BSPRY: variants seen among roughly 807,000 people sequenced by gnomAD.
BSPRY encodes B-box and SPRY domain containing.
BSPRY carries 33 observed loss-of-function variants against 38.0 expected under a neutral mutation model. The ratio of observed to expected loss-of-function variants is 0.87; its 90% CI spans 0.66 to 1.16. The LOEUF is 1.16. Ranked by LOEUF, BSPRY falls within the 50% of genes most tolerant of loss-of-function variation. BSPRY has a pLI of 0.00. For missense variants in BSPRY, 523 were observed against 533.2 expected, an observed-to-expected ratio of 0.98 and a Z score of 0.19; for synonymous variants, 224 against 228.5, an observed-to-expected ratio of 0.98 and a Z score of 0.18.
rs1347575787 is a variant in BSPRY, at chr9:113,349,567, C to A, written c.-13C>A. Reference sequence around the variant, plus strand: ...CCTGCGACAGGTGGAGCGCACGGGGCGGGCGCACGGCCATGTCCGCCGAGG... The same window carrying A: ...CCTGCGACAGGTGGAGCGCACGGGGAGGGCGCACGGCCATGTCCGCCGAGG... On this transcript the variant is annotated 5_prime_UTR_variant, in exon 1 of 6. Coordinates refer to ENST00000374183, the MANE Select transcript of BSPRY (RefSeq NM_017688.3). The A allele has an allele frequency of 4.4e-6, 5 of 1,143,538 alleles. No homozygotes were observed. The highest frequency in any genetic ancestry group is 5.4e-6 in the Non-Finnish European group (5 of 932,296). The allele number at this position is 1,143,538 out of a possible 1,614,324, so 70.8% of individuals were successfully genotyped here.
chr9:113,362,096 G>C (rs1834162997), intron 3 of BSPRY, among the ~76,000 whole-genome samples: 1 of 152,078 alleles, frequency 6.6e-6, no homozygotes, highest in African/African-American at 2.4e-5. Context: ...AACAGGCGAT[G>C]GTCCTGAGTG....
chr9:113,350,961 C>G (rs1406936070), intron 1 of BSPRY, among the ~76,000 whole-genome samples: 2 of 152,228 alleles, frequency 1.3e-5, no homozygotes, highest in African/African-American at 4.8e-5. Context: ...AGATGAGGCA[C>G]TGGAGGCTCG....
intron 1 of BSPRY, among the ~76,000 whole-genome samples, chr9:113,353,469 A>G (rs1377687236): frequency 6.6e-6 from 1 of 152,186 alleles, no homozygotes; most frequent in Admixed American, 6.5e-5. Context: ...TTGAGAGGTC[A>G]GGGCGGGCAG....
chr9:113,368,834 G>A lies in BSPRY; in HGVS notation c.682+451G>A, dbSNP rs78642222. On this transcript the variant is annotated intron_variant, in intron 5 of 5. Coordinates refer to ENST00000374183, the MANE Select transcript of BSPRY (RefSeq NM_017688.3). ...GCCCCACCCTGTGCCACATGCTGGGGCCACAGAGGTAAACTGACATGGTCT... is the reference window on the plus strand; with the variant it reads ...GCCCCACCCTGTGCCACATGCTGGGACCACAGAGGTAAACTGACATGGTCT... Among the ~76,000 whole-genome samples the A allele has an allele frequency of 1.2e-3, 184 of 152,276 alleles. 1 individual carries two copies. Among genetic ancestry groups the A allele is most frequent in the African/African-American group, 4.2e-3 (176 of 41,554 alleles).
chr9:113,356,954 A>G (rs1834070102), intron 2 of BSPRY, among the ~76,000 whole-genome samples: 3 of 152,192 alleles, frequency 2.0e-5, no homozygotes, highest in African/African-American at 2.4e-5. Context: ...GTAGCTGCAT[A>G]TATGAGTTGG....
At chr9:113,360,457 G>A (rs367988081) in intron 2 of BSPRY, 50 bp from the exon 3 acceptor site, 10 of 1,534,690 alleles carry the variant, frequency 6.5e-6, no homozygotes, top group African/African-American at 4.1e-5. Flanking sequence ...CTTAAATCCT[G>A]ACCGGGGCTT....
chr9:113,361,605 C>T (rs117833656), intron 3 of BSPRY, among the ~76,000 whole-genome samples: 2,196 of 152,142 alleles, frequency 0.014, 35 homozygotes, highest in South Asian at 0.084. Context: ...CCGGATGAAG[C>T]GACTTAGAAG....
rs1242093310 is a variant in BSPRY, at chr9:113,369,988, C to T, written c.1055C>T (p.Ala352Val). Residue 352 changes from alanine (A) to valine (V), a missense_variant, in exon 6 of 6, where the codon GCC (alanine) becomes GTC (valine). Coordinates refer to ENST00000374183, the MANE Select transcript of BSPRY (RefSeq NM_017688.3). ...HEPLGLLRGP[A>V]QLGVVLDLQV... The stretch of plus-strand genomic sequence containing the variant: ...CCCCTGGGGCTGCTGCGGGGCCCAG[C>T]CCAGCTGGGTGTAGTGCTGGACTTG... 2 of 1,614,114 alleles carry T rather than the reference C, an allele frequency of 1.2e-6. No homozygotes were observed. The highest frequency in any genetic ancestry group is 1.7e-5 in the Admixed American group (1 of 60,026).
chr9:113,364,762 A>G (rs1834219152), intron 4 of BSPRY, among the ~76,000 whole-genome samples: 1 of 152,148 alleles, frequency 6.6e-6, no homozygotes, highest in African/African-American at 2.4e-5. Flanking sequence ...TGTTTCTCCT[A>G]GAAACAAAGA....
Position 113,370,199 on chromosome 9 carries a change from A to G in BSPRY, c.*57A>G. On this transcript the variant is annotated 3_prime_UTR_variant, in exon 6 of 6. Coordinates refer to ENST00000374183, the MANE Select transcript of BSPRY (RefSeq NM_017688.3). This position sits in a 1 kb window ranked among gnomAD's most constrained non-coding sequence, Gnocchi z 4.8. ...CACCACCCTTTCAGGCCATGTTTCT[A>G]CTCAGTGTGCTTTTCCCAAATGATG... 6.7e-7 allele frequency: 1 copy of G among 1,501,284 alleles called. No individual in the cohort carries two copies. The highest frequency in any genetic ancestry group is 1.3e-5 in the South Asian group (1 of 74,666). The allele number at this position is 1,501,284 out of a possible 1,614,324, so 93.0% of individuals were successfully genotyped here. A position where few individuals can be genotyped will look rare whatever the true frequency, so the allele number is the denominator to read the frequency against.
Position 113,349,731 on chromosome 9 carries a change from G to T in BSPRY, c.152G>T (p.Cys51Phe), listed in dbSNP as rs1434271397. 8.1e-7 allele frequency: 1 copy of T among 1,239,648 alleles called. No homozygotes were observed. Among genetic ancestry groups the T allele is most frequent in the South Asian group, 3.4e-5 (1 of 29,216 alleles). The allele number at this position is 1,239,648 out of a possible 1,614,324, so 76.8% of individuals were successfully genotyped here. A position where few individuals can be genotyped will look rare whatever the true frequency, so the allele number is the denominator to read the frequency against. The stretch of plus-strand genomic sequence containing the variant: ...GCCTGCGCGGGGTTGGGCGGTCGCT[G>T]CCGGGGGCACCGCATCCGCCGGGCG... ...CAACAGLGGR[C>F]RGHRIRRAEE... Residue 51 changes from cysteine to phenylalanine, a missense_variant, in exon 1 of 6, where the codon TGC becomes TTC. By Grantham distance (205) the Cys-to-Phe change is radical (BLOSUM62 -2). Transcript: ENST00000374183.
chr9:113,360,738 G>A lies in BSPRY; in HGVS notation c.531+1G>A. The A allele has an allele frequency of 6.3e-7, 1 of 1,577,408 alleles. No homozygotes were observed. Among genetic ancestry groups the A allele is most frequent in the Non-Finnish European group, 8.6e-7 (1 of 1,162,150 alleles). On this transcript the variant is annotated splice_donor_variant, in intron 3 of 5. Coordinates refer to ENST00000374183, the MANE Select transcript of BSPRY (RefSeq NM_017688.3). LOFTEE classifies it high-confidence loss of function. The stretch of plus-strand genomic sequence containing the variant: ...TCACCTGGATGACCTCCAGCTGATT[G>A]TAAGTCAGGCAAGGGTGAGGGCATG...
In BSPRY at chr9:113,371,048, CTGA is replaced by C. The variant is rs1251984562; in HGVS notation, c.*908_*910del. 2 of 149,566 alleles carry C rather than the reference CTGA, an allele frequency of 1.3e-5. No homozygotes were observed. Among genetic ancestry groups the C allele is most frequent in the Admixed American group, 1.3e-4 (2 of 14,968 alleles). The allele number at this position is 149,566 out of a possible 1,614,324, so 9.3% of individuals were successfully genotyped here. On this transcript the variant is annotated 3_prime_UTR_variant, in exon 6 of 6. Transcript: ENST00000374183. ...CTGGCTGAGCTCCAGCCTGTGCCCA[CTGA>C]TAATAGCAGGGACGGCCTTTTCTCT...
intron 4 of BSPRY, among the ~76,000 whole-genome samples, chr9:113,365,847 T>G (rs1307410484): frequency 1.3e-5 from 2 of 149,688 alleles, no homozygotes; most frequent in African/African-American, 2.5e-5. Flanking sequence ...CTCTGTCACT[T>G]AGGCTGGAGT....
At chr9:113,361,719 A>G (rs185494731) in intron 3 of BSPRY, among the ~76,000 whole-genome samples, 16 of 152,326 alleles carry the variant, frequency 1.1e-4, no homozygotes, top group Admixed American at 1.3e-4. Flanking sequence ...GGAGCTGACA[A>G]GGTCTTCGAT....
At position 113,349,609 on chromosome 9, in the gene BSPRY, G is replaced by C. The variant is rs971072016; in HGVS notation, c.30G>C (p.Pro10=). The C allele has an allele frequency of 5.9e-6, 7 of 1,191,254 alleles. No individual in the cohort carries two copies. Among genetic ancestry groups the C allele is most frequent in the South Asian group, 3.9e-5 (1 of 25,384 alleles). 73.8% of individuals were successfully genotyped at this position (1,191,254 alleles called of 1,614,324 possible). Residue 10 remains proline, a synonymous_variant, in exon 1 of 6, where the codon CCG becomes CCC. Transcript: ENST00000374183. MSAEGAEPG[P]GSGSGPGPGP... ...CCGCCGAGGGCGCGGAGCCGGGGCC[G>C]GGGTCCGGGTCCGGGCCCGGGCCGG...
At chr9:113,354,175 A>G in intron 1 of BSPRY, 65 bp from the exon 2 acceptor site, 1 of 1,356,120 alleles carries the variant, frequency 7.4e-7, no homozygotes. Flanking sequence ...GGAGAAAATC[A>G]CTGGGATGGA....
At chr9:113,355,692 G>T (rs1834046628) in intron 2 of BSPRY, among the ~76,000 whole-genome samples, 1 of 150,436 alleles carries the variant, frequency 6.6e-6, no homozygotes, top group Non-Finnish European at 1.5e-5. Flanking sequence ...TCGGCTCACT[G>T]AAACCTCCGT....
chr9:113,362,231 C>A, intron 3 of BSPRY, 138 bp from the exon 4 acceptor site: 210 of 585,538 alleles, frequency 3.6e-4, no homozygotes, highest in Middle Eastern at 1.1e-3. Flanking sequence ...GCCTAGAAAG[C>A]TTTATGCTGG....
Sources: allele counts gnomAD v4.1 joint callset (sites outside exome capture counted in the v4.1 genomes callset), GRCh38; gene constraint gnomAD v4.1.1; non-coding constraint Gnocchi (gnomAD v3.1); transcripts MANE v1.5; gene names NCBI Gene and HGNC (gene_info 2026-07-23, HGNC 2026-07-21).